Variants in CYGB observed in about 807,000 individuals in gnomAD.
CYGB encodes cytoglobin, also known as histoglobin.
In CYGB, 13 loss-of-function variants were observed where a neutral mutation model predicts 20.7. That is an observed-to-expected ratio of 0.63 (90% CI 0.41 to 1.00). CYGB has a LOEUF of 1.00. Among genes scored for constraint, CYGB ranks in the 50% least tolerant of loss-of-function variants. The pLI is 0.00. For missense variants in CYGB, 218 were observed against 257.2 expected (o/e 0.85, Z 1.04); for synonymous variants, 93 against 107.4 (o/e 0.87, Z 0.83).
intron 1 of CYGB, among the ~76,000 whole-genome samples, chr17:76,536,009 C>T (rs2074909401): frequency 6.6e-6 from 1 of 152,178 alleles, no homozygotes; most frequent in Non-Finnish European, 1.5e-5. Context: ...CGCAGTCTGG[C>T]ACATCTGCGG....
At chr17:76,538,988 C>G (rs185346358), upstream of CYGB, among the ~76,000 whole-genome samples, 153 of 152,374 alleles carry the variant, frequency 1.0e-3, no homozygotes, top group Non-Finnish European at 1.8e-3. Context: ...TCACCCTGGC[C>G]AGCCTCAGCT....
chr17:76,535,821 G>A (rs1176197370), intron 1 of CYGB, among the ~76,000 whole-genome samples: 1 of 152,222 alleles, frequency 6.6e-6, no homozygotes, highest in African/African-American at 2.4e-5. Context: ...CCATGATGTG[G>A]ACGGTGAGCA....
rs1374166641 is a variant in CYGB, at chr17:76,527,564, CT to C, written c.*1013del. 4 of 445,286 alleles carry C rather than the reference CT, an allele frequency of 9.0e-6. No homozygotes were observed. The highest frequency in any genetic ancestry group is 4.0e-5 in the African/African-American group (2 of 49,752). The allele number at this position is 445,286 out of a possible 1,614,324, so 27.6% of individuals were successfully genotyped here. ...CAAGGGGCACACACGGGGGGCCCCC[CT>C]GGCAAGCCTGACGCAGATGAATAGA... is the stretch of plus-strand genomic sequence containing the variant. On this transcript the variant is annotated 3_prime_UTR_variant, in exon 4 of 4. Transcript: ENST00000293230.
rs768943075 is a variant in CYGB at position 76,530,148 on chromosome 17, C to T, written c.539+831G>A. ...GAATGTTTCTCTACCACGCGTGTCC[C>T]GGGCTGCTGGCTGACCTCTGCTTCC... On this transcript the variant is annotated intron_variant, in intron 3 of 3. Coordinates refer to ENST00000293230, the MANE Select transcript of CYGB (RefSeq NM_134268.5). This position sits in a 1 kb window ranked among gnomAD's most constrained non-coding sequence, Gnocchi z 6.1. 115 of 946,338 alleles carry T rather than the reference C, an allele frequency of 1.2e-4. 1 individual carries two copies. Among genetic ancestry groups the T allele is most frequent in the Middle Eastern group, 5.4e-4 (1 of 1,856 alleles). The allele number at this position is 946,338 out of a possible 1,614,324, so 58.6% of individuals were successfully genotyped here. A position where few individuals can be genotyped will look rare whatever the true frequency, so the allele number is the denominator to read the frequency against.
rs376994644 is a variant in CYGB, at chr17:76,548,241, TACAC to T, written c.-53+2617_-53+2620del. Among the ~76,000 whole-genome samples, 307 of 151,522 alleles carry T rather than the reference TACAC, an allele frequency of 2.0e-3. 2 individuals are homozygous for T. The highest frequency in any genetic ancestry group is 7.2e-3 in the African/African-American group (297 of 41,262). On this transcript the variant is annotated intron_variant, in intron 1 of 3. Coordinates refer to the CYGB transcript ENST00000589145. ...CTTATAGACACACATAGCATACACATACACACAGTCACACACACAGATACACATA... is the reference window on the plus strand; with the variant it reads ...CTTATAGACACACATAGCATACACATACAGTCACACACACAGATACACATA...
rs148861933 is a variant in CYGB at position 76,544,367 on chromosome 17, A to AAG, written c.-53+6493_-53+6494dup. 130 of 454,736 alleles carry AAG rather than the reference A, an allele frequency of 2.9e-4. No homozygotes were observed. The East Asian group carries it at 6.6e-3, about 23-fold the overall frequency. 28.2% of individuals were successfully genotyped at this position (454,736 alleles called of 1,614,324 possible). A position where few individuals can be genotyped will look rare whatever the true frequency, so the allele number is the denominator to read the frequency against. On this transcript the variant is annotated intron_variant, in intron 1 of 3. Coordinates refer to the CYGB transcript ENST00000589145. The stretch of plus-strand genomic sequence containing the variant: ...TCTGCCTCTGAAGGGAAGGAAGGGA[A>AAG]AGGGTGAGGGATGCCGCAGAGCAGA...
In CYGB at chr17:76,528,195, G is replaced by A. The variant is rs893631629; in HGVS notation, c.*383C>T. ...ATCTGTATATATGGTAGATGTGTGC[G>A]TGATACTCTAGATGGTGATGTGGAG... is the stretch of plus-strand genomic sequence containing the variant. On this transcript the variant is annotated 3_prime_UTR_variant, in exon 4 of 4. Coordinates refer to ENST00000293230, the MANE Select transcript of CYGB (RefSeq NM_134268.5). The surrounding 1 kb of genome is among the most constrained non-coding windows in gnomAD (Gnocchi z 5.8). 7 of 397,766 alleles carry A rather than the reference G, an allele frequency of 1.8e-5. No homozygotes were observed. The highest frequency in any genetic ancestry group is 1.4e-4 in the South Asian group (1 of 7,192). 24.6% of individuals were successfully genotyped at this position (397,766 alleles called of 1,614,324 possible). A position where few individuals can be genotyped will look rare whatever the true frequency, so the allele number is the denominator to read the frequency against.
upstream of CYGB, chr17:76,537,853 G>T (rs1020123761): frequency 6.6e-6 from 1 of 151,926 alleles, no homozygotes; most frequent in African/African-American, 2.4e-5. Context: ...AGCCAATGCC[G>T]GCAAGGTGAA....
At chr17:76,542,157 G>T (rs146940109), upstream of CYGB, among the ~76,000 whole-genome samples, 1 of 152,084 alleles carries the variant, frequency 6.6e-6, no homozygotes, top group Non-Finnish European at 1.5e-5. Context: ...GCTCAGGCCC[G>T]ATTCCAGGCA....
intron 1 of CYGB, among the ~76,000 whole-genome samples, chr17:76,547,975 T>C (rs1288580981): frequency 6.7e-6 from 1 of 148,922 alleles, no homozygotes; most frequent in Non-Finnish European, 1.5e-5. Flanking sequence ...CACATAAACA[T>C]ACACATACAT....
At chr17:76,547,973 CAT>C (rs2075071189) in intron 1 of CYGB, among the ~76,000 whole-genome samples, 1 of 151,832 alleles carries the variant, frequency 6.6e-6, no homozygotes, top group African/African-American at 2.4e-5. Flanking sequence ...TACACATAAA[CAT>C]ACACATACAT....
intron 1 of CYGB, chr17:76,543,285 G>A (rs889503962): frequency 8.4e-6 from 3 of 355,078 alleles, no homozygotes; most frequent in Non-Finnish European, 1.7e-5. Context: ...CTCCTCTGAG[G>A]GACTGCTGAG....
At chr17:76,537,340 C>T (rs1383076205) in intron 1 of CYGB, 60 bp downstream of exon 1, 11 of 1,496,552 alleles carry the variant, frequency 7.4e-6, no homozygotes, top group African/African-American at 1.5e-5. Flanking sequence ...CAGCCCTCCT[C>T]TGCCCGGAGC....
At position 76,527,597 on chromosome 17, in the gene CYGB, C is replaced by T. The variant is rs926907005; in HGVS notation, c.*981G>A. On this transcript the variant is annotated 3_prime_UTR_variant, in exon 4 of 4. Coordinates refer to ENST00000293230, the MANE Select transcript of CYGB (RefSeq NM_134268.5). ...CCTGACGCAGATGAATAGACAGGGC[C>T]GACTGCCGGCCAGGAGGAGGGTGGG... 4.0e-5 allele frequency: 18 copies of T among 452,922 alleles called. No homozygotes were observed. Among genetic ancestry groups the T allele is most frequent in the Admixed American group, 1.6e-4 (7 of 42,508 alleles). The allele number at this position is 452,922 out of a possible 1,614,324, so 28.1% of individuals were successfully genotyped here. A position where few individuals can be genotyped will look rare whatever the true frequency, so the allele number is the denominator to read the frequency against.
At chr17:76,540,252 G>A, upstream of CYGB, 3 of 925,448 alleles carry the variant, frequency 3.2e-6, no homozygotes, top group Non-Finnish European at 4.7e-6. The surrounding 1 kb of genome is among the most constrained non-coding windows in gnomAD (Gnocchi z 5.0). Context: ...GCGGTTGGTC[G>A]GGGGGGGGGG....
Position 76,533,463 on chromosome 17 carries a change from G to A in CYGB, c.144-1772C>T, listed in dbSNP as rs1598204704. ...GATATGGCCGGGCACGGTGGCTCACGCCTATAATCCTAGCACTTTACGAGG... is the reference window on the plus strand; with the variant it reads ...GATATGGCCGGGCACGGTGGCTCACACCTATAATCCTAGCACTTTACGAGG... On this transcript the variant is annotated intron_variant, in intron 1 of 3. Coordinates refer to ENST00000293230, the MANE Select transcript of CYGB (RefSeq NM_134268.5). The surrounding 1 kb of genome is among the most constrained non-coding windows in gnomAD (Gnocchi z 4.5). 6.6e-6 allele frequency among the ~76,000 whole-genome samples: 1 copy of A among 152,328 alleles called. No homozygotes were observed. The highest frequency in any genetic ancestry group is 2.4e-5 in the African/African-American group (1 of 41,570).
chr17:76,530,377 C>T lies in CYGB; in HGVS notation c.539+602G>A, dbSNP rs2074822150. Among the ~76,000 whole-genome samples the T allele has an allele frequency of 6.6e-6, 1 of 152,102 alleles. No homozygotes were observed. Among genetic ancestry groups the T allele is most frequent in the Non-Finnish European group, 1.5e-5 (1 of 68,014 alleles). On this transcript the variant is annotated intron_variant, in intron 3 of 3. Coordinates refer to ENST00000293230, the MANE Select transcript of CYGB (RefSeq NM_134268.5). The surrounding 1 kb of genome is among the most constrained non-coding windows in gnomAD (Gnocchi z 6.1). ...ACCCTCCTTGAGCCACCTCCTGGGC[C>T]CAGAACTGGAAGCCCAGCCTCCAGG...
chr17:76,530,616 G>C lies in CYGB; in HGVS notation c.539+363C>G, dbSNP rs1051201453. Among the ~76,000 whole-genome samples, 2 of 152,200 alleles carry C rather than the reference G, an allele frequency of 1.3e-5. No individual in the cohort carries two copies. The highest frequency in any genetic ancestry group is 2.9e-5 in the Non-Finnish European group (2 of 68,032). ...CACCCAGGGAGGAAGTGGCTGGGCT[G>C]ACCTGGGCTGCCTCCGAGCCTGATG... is the stretch of plus-strand genomic sequence containing the variant. On this transcript the variant is annotated intron_variant, in intron 3 of 3. Transcript: ENST00000293230. This position sits in a 1 kb window ranked among gnomAD's most constrained non-coding sequence, Gnocchi z 6.1.
At chr17:76,549,696 A>G (rs1179073411) in intron 1 of CYGB, among the ~76,000 whole-genome samples, 3 of 152,276 alleles carry the variant, frequency 2.0e-5, no homozygotes, top group African/African-American at 7.2e-5. Flanking sequence ...GTGGGAACAG[A>G]TAAACACACT....
Sources: allele counts gnomAD v4.1 joint callset (sites outside exome capture counted in the v4.1 genomes callset), GRCh38; gene constraint gnomAD v4.1.1; non-coding constraint Gnocchi (gnomAD v3.1); transcripts MANE v1.5; gene names NCBI Gene and HGNC (gene_info 2026-07-23, HGNC 2026-07-21).